Variants in PHAF1 observed in about 807,000 individuals in gnomAD.
PHAF1 encodes phagosome assembly factor 1.
In PHAF1, 23 loss-of-function variants were observed where a neutral mutation model predicts 63.1. That is an observed-to-expected ratio of 0.36 (90% CI 0.26 to 0.52). PHAF1 has a LOEUF of 0.52. PHAF1 is among the 20% of genes least tolerant of loss of function. The pLI is 0.93. For synonymous variants in PHAF1, 167 were observed against 185.0 expected, an observed-to-expected ratio of 0.90 and a Z score of 0.79; for missense variants, 427 against 517.2, an observed-to-expected ratio of 0.83 and a Z score of 1.69.
At chr16:67,143,433 ATCC>A (rs1394117276) in intron 10 of PHAF1, among the ~76,000 whole-genome samples, 4 of 151,982 alleles carry the variant, frequency 2.6e-5, no homozygotes, top group Admixed American at 6.6e-5. Context: ...AACTCAAGGA[ATCC>A]TCCTGCCTTG....
chr16:67,147,033 T>C lies in PHAF1; in HGVS notation c.1183-12T>C. ...CTCTCCCCCTTGACCCACTGTCCTC[T>C]TCTCACACCAGGTCATGCAGAACAA... is the stretch of plus-strand genomic sequence containing the variant. On this transcript the variant is annotated splice_polypyrimidine_tract_variant and intron_variant, in intron 15 of 15. Coordinates refer to ENST00000219139, the MANE Select transcript of PHAF1 (RefSeq NM_025187.5). The C allele has an allele frequency of 6.2e-7, 1 of 1,610,608 alleles. No homozygotes were observed. Among genetic ancestry groups the C allele is most frequent in the Non-Finnish European group, 8.5e-7 (1 of 1,176,868 alleles).
At chr16:67,114,616 T>C (rs1359903283) in intron 1 of PHAF1, among the ~76,000 whole-genome samples, 1 of 151,272 alleles carries the variant, frequency 6.6e-6, no homozygotes, top group Non-Finnish European at 1.5e-5. Flanking sequence ...CAGGGAACTA[T>C]AAGCAATTTG....
chr16:67,123,270 T>C (rs1963057351), intron 2 of PHAF1, among the ~76,000 whole-genome samples: 1 of 151,048 alleles, frequency 6.6e-6, no homozygotes, highest in South Asian at 2.1e-4. Context: ...TGCCACCACA[T>C]CTGGCTATTA....
chr16:67,110,124 G>C lies in PHAF1; in HGVS notation c.-52G>C. On this transcript the variant is annotated 5_prime_UTR_variant, in exon 1 of 16. Transcript: ENST00000219139. The stretch of plus-strand genomic sequence containing the variant: ...CCGCTGCTTTGTCTCCTTAGCTCGG[G>C]TCCCTTCTGCGCTGCCGCAGGGAGG... 6.5e-7 allele frequency: 1 copy of C among 1,541,830 alleles called. No individual in the cohort carries two copies. The highest frequency in any genetic ancestry group is 8.8e-7 in the Non-Finnish European group (1 of 1,140,108).
chr16:67,110,114 C>A lies in PHAF1; in HGVS notation c.-62C>A, dbSNP rs1343259212. On this transcript the variant is annotated 5_prime_UTR_variant, in exon 1 of 16. Coordinates refer to ENST00000219139, the MANE Select transcript of PHAF1 (RefSeq NM_025187.5). ...GGCCTGTCAGCCGCTGCTTTGTCTC[C>A]TTAGCTCGGGTCCCTTCTGCGCTGC... 3 of 1,535,336 alleles carry A rather than the reference C, an allele frequency of 2.0e-6. No individual in the cohort carries two copies. In the Admixed American group the frequency reaches 5.9e-5, roughly 30 times the overall value.
chr16:67,114,310 T>G (rs1050258076), intron 1 of PHAF1, among the ~76,000 whole-genome samples: 1 of 151,804 alleles, frequency 6.6e-6, no homozygotes, highest in African/African-American at 2.4e-5. Context: ...GGTAACATAG[T>G]GAGACCCTGT....
intron 1 of PHAF1, among the ~76,000 whole-genome samples, chr16:67,116,082 T>C (rs1962721364): frequency 6.6e-6 from 1 of 152,236 alleles, no homozygotes; most frequent in South Asian, 2.1e-4. Context: ...TGAGTTTCTC[T>C]GTCTTCTGCA....
At chr16:67,133,530 G>A (rs1963489059) in intron 6 of PHAF1, among the ~76,000 whole-genome samples, 2 of 151,390 alleles carry the variant, frequency 1.3e-5, no homozygotes, top group Admixed American at 6.6e-5. Context: ...AAACAGGCCG[G>A]GCGCAGTGGC....
At chr16:67,139,362 T>G (rs1963718972) in intron 8 of PHAF1, among the ~76,000 whole-genome samples, 1 of 143,524 alleles carries the variant, frequency 7.0e-6, no homozygotes, top group Non-Finnish European at 1.5e-5. Context: ...TTTTTTTTTT[T>G]TTTTTTGAGA....
At chr16:67,117,500 G>A (rs1262341000) in intron 1 of PHAF1, among the ~76,000 whole-genome samples, 5 of 151,330 alleles carry the variant, frequency 3.3e-5, no homozygotes, top group South Asian at 2.1e-4. Context: ...TATTCAGGCC[G>A]GGCACAGTGG....
rs1412015904 is a variant in PHAF1, at chr16:67,113,005, T to G, written c.64+2766T>G. Reference sequence around the variant, plus strand: ...GAAGGGAATCTGCTTTAGAATTACATGCCTAGGCTAGTGAACCAGGAAGAA... The same window carrying G: ...GAAGGGAATCTGCTTTAGAATTACAGGCCTAGGCTAGTGAACCAGGAAGAA... On this transcript the variant is annotated intron_variant, in intron 1 of 15. Transcript: ENST00000219139. Among the ~76,000 whole-genome samples the G allele has an allele frequency of 2.0e-5, 3 of 152,222 alleles. No homozygotes were observed. In the East Asian group the frequency reaches 5.8e-4, roughly 29 times the overall value.
At chr16:67,137,265 A>G (rs889092317) in intron 8 of PHAF1, among the ~76,000 whole-genome samples, 2 of 152,204 alleles carry the variant, frequency 1.3e-5, no homozygotes, top group African/African-American at 4.8e-5. Flanking sequence ...TTTTCTAGCC[A>G]AGACAGAACA....
At chr16:67,125,617 A>G (rs936268705) in intron 2 of PHAF1, among the ~76,000 whole-genome samples, 2 of 152,216 alleles carry the variant, frequency 1.3e-5, no homozygotes, top group African/African-American at 4.8e-5. Flanking sequence ...GTTCGATGGC[A>G]GTGAACTTCA....
In PHAF1 at chr16:67,140,568, T is replaced by C; in HGVS notation, c.853T>C (p.Phe285Leu). 6.3e-7 allele frequency: 1 copy of C among 1,598,748 alleles called. No homozygotes were observed. Among genetic ancestry groups the C allele is most frequent in the Non-Finnish European group, 8.6e-7 (1 of 1,165,968 alleles). The change falls in exon 10 of 16, where the codon TTT becomes CTT. Residue 285 changes from phenylalanine (F) to leucine (L), a missense_variant. Phe to Leu is a conservative substitution (Grantham distance 22). Coordinates refer to ENST00000219139, the MANE Select transcript of PHAF1 (RefSeq NM_025187.5). ...KQVPSKCNDY[F>L]FNYFTLGVDI... ...AGTTCCATCGAAGTGTAATGACTAC[T>C]TTTTTAACTACTTCACTCTTGGAGT...
intron 3 of PHAF1, among the ~76,000 whole-genome samples, 188 bp downstream of exon 3, chr16:67,126,230 G>C (rs535062800): frequency 9.2e-5 from 14 of 152,296 alleles, no homozygotes; most frequent in African/African-American, 2.6e-4. Context: ...GATGGAAGTG[G>C]GTTGGGATGG....
At chr16:67,114,566 A>G (rs923040224) in intron 1 of PHAF1, among the ~76,000 whole-genome samples, 12 of 148,874 alleles carry the variant, frequency 8.1e-5, no homozygotes, top group East Asian at 1.9e-4. Context: ...GAAAGAAGAA[A>G]AAAAAAAAAA....
At chr16:67,126,659 A>T (rs1234760241) in intron 3 of PHAF1, among the ~76,000 whole-genome samples, 2 of 141,312 alleles carry the variant, frequency 1.4e-5, no homozygotes, top group Non-Finnish European at 3.0e-5. Context: ...CAGTGGCTTG[A>T]TCTTGGCTCA....
rs1173931456 is a variant in PHAF1 at position 67,130,289 on chromosome 16, C to T, written c.232-997C>T. On this transcript the variant is annotated intron_variant, in intron 3 of 15. Coordinates refer to ENST00000219139, the MANE Select transcript of PHAF1 (RefSeq NM_025187.5). Reference sequence around the variant, plus strand: ...GTCTCAATCTCCTGACCTTGTGATCCGCCCGCCTCGGCCTCCCAAAGTGCT... The same window carrying T: ...GTCTCAATCTCCTGACCTTGTGATCTGCCCGCCTCGGCCTCCCAAAGTGCT... Among the ~76,000 whole-genome samples the T allele has an allele frequency of 6.6e-5, 10 of 151,746 alleles. No individual in the cohort carries two copies. The South Asian group carries it at 1.5e-3, about 22-fold the overall frequency.
chr16:67,134,285 G>A lies in PHAF1; in HGVS notation c.548+20G>A. On this transcript the variant is annotated intron_variant, in intron 7 of 15. Coordinates refer to ENST00000219139, the MANE Select transcript of PHAF1 (RefSeq NM_025187.5). Reference sequence around the variant, plus strand: ...TACCAAGTAAGTATAAGGAGCATGAGTTTCTTGCTAAGGCCTGGGCTGCCT... The same window carrying A: ...TACCAAGTAAGTATAAGGAGCATGAATTTCTTGCTAAGGCCTGGGCTGCCT... The A allele has an allele frequency of 6.2e-7, 1 of 1,609,030 alleles. No individual in the cohort carries two copies.
Sources: allele counts gnomAD v4.1 joint callset (sites outside exome capture counted in the v4.1 genomes callset), GRCh38; gene constraint gnomAD v4.1.1; transcripts MANE v1.5; gene names NCBI Gene and HGNC (gene_info 2026-07-23, HGNC 2026-07-21).